Variants in ALDH7A1 observed in about 807,000 individuals in gnomAD.
ALDH7A1 encodes aldehyde dehydrogenase 7 family member A1, also known as alpha-aminoadipic semialdehyde dehydrogenase.
In ALDH7A1, 63 loss-of-function variants were observed where a neutral mutation model predicts 79.9. The observed-to-expected ratio is 0.79, with a 90% CI of 0.64 to 0.97. ALDH7A1 has a LOEUF of 0.97. ALDH7A1 is among the 50% of genes least tolerant of loss of function. The probability of loss-of-function intolerance (pLI) is 0.00; values close to 1 mark genes in which losing one functional copy is unlikely to be tolerated. For missense variants in ALDH7A1, 627 were observed against 665.2 expected, an observed-to-expected ratio of 0.94 and a Z score of 0.63; for synonymous variants, 240 against 231.2, an observed-to-expected ratio of 1.04 and a Z score of -0.34.
intron 8 of ALDH7A1, chr5:126,570,239 C>G (rs1750727685): frequency 6.3e-6 from 1 of 158,558 alleles, no homozygotes; most frequent in African/African-American, 2.4e-5. Flanking sequence ...ATATACAATA[C>G]TCTGAATATT....
intron 7 of ALDH7A1, 91 bp from the exon 8 acceptor site, chr5:126,570,950 T>G: frequency 8.1e-7 from 1 of 1,238,684 alleles, no homozygotes; most frequent in Non-Finnish European, 1.2e-6. Context: ...TCTCCTTTTT[T>G]CAACTTTCTC....
In ALDH7A1 at chr5:126,595,106, A is replaced by G; in HGVS notation, c.93T>C (p.Thr31=). 1.9e-6 allele frequency: 3 copies of G among 1,593,138 alleles called. No homozygotes were observed. The highest frequency in any genetic ancestry group is 1.7e-6 in the Non-Finnish European group (2 of 1,169,360). ...CATACTGGGGCTGATTGATGAGGAG[A>G]GTGGACATGAAGGCGGCAGGCCTGC... ...PWSRPAAFMS[T]LLINQPQYAW... Residue 31 remains threonine, a synonymous_variant, in exon 1 of 18, where the codon ACT becomes ACC. Coordinates refer to ENST00000409134, the MANE Select transcript of ALDH7A1 (RefSeq NM_001182.5).
intron 7 of ALDH7A1, among the ~76,000 whole-genome samples, chr5:126,574,822 G>C (rs1449308598): frequency 6.6e-6 from 1 of 152,006 alleles, no homozygotes; most frequent in Non-Finnish European, 1.5e-5. Flanking sequence ...GAACATCAAA[G>C]GTACATCCTA....
chr5:126,554,362 C>T lies in ALDH7A1; in HGVS notation c.1125G>A (p.Lys375=). The T allele has an allele frequency of 6.2e-7, 1 of 1,614,094 alleles. No individual in the cohort carries two copies. The highest frequency in any genetic ancestry group is 8.5e-7 in the Non-Finnish European group (1 of 1,180,006). The part of the protein sequence containing the change: ...PNVLYGPLHT[K]QAVSMFLGAV... ...CTCCAAGAAACATGCTCACTGCCTG[C>T]TTGGTGTGGAGTGGCCCATAGAGAA... The change falls in exon 13 of 18, where the codon AAG becomes AAA. Residue 375 remains lysine (K), a synonymous_variant. Coordinates refer to ENST00000409134, the MANE Select transcript of ALDH7A1 (RefSeq NM_001182.5).
rs1379836512 is a variant in ALDH7A1 at position 126,555,498 on chromosome 5, A to AG, written c.1093+432_1093+433insC. On this transcript the variant is annotated intron_variant, in intron 12 of 17. Coordinates refer to ENST00000409134, the MANE Select transcript of ALDH7A1 (RefSeq NM_001182.5). ...ACTGTGTCTCAAAAAAAAAAAAAAA[A>AG]AAAAAGAAAGGAAAAAAAATCTAAA... 2.4e-5 allele frequency: 4 copies of AG among 169,546 alleles called. No individual in the cohort carries two copies. In the East Asian group the frequency reaches 6.4e-4, roughly 27 times the overall value. 10.5% of individuals were successfully genotyped at this position (169,546 alleles called of 1,614,324 possible).
chr5:126,582,169 C>T (rs1751198833), intron 5 of ALDH7A1: 1 of 398,404 alleles, frequency 2.5e-6, no homozygotes, highest in Admixed American at 4.4e-5. Flanking sequence ...ATAAAAAAGA[C>T]ACACAAGAAA....
intron 13 of ALDH7A1, chr5:126,553,370 C>A (rs1428615270): frequency 1.3e-5 from 2 of 152,156 alleles, no homozygotes; most frequent in African/African-American, 2.4e-5. Context: ...TGTATCTTTC[C>A]AATTTTAGTA....
At chr5:126,579,356 G>A (rs934659802) in intron 5 of ALDH7A1, among the ~76,000 whole-genome samples, 14 of 152,140 alleles carry the variant, frequency 9.2e-5, no homozygotes, top group African/African-American at 3.1e-4. Flanking sequence ...AGGCCTTCCT[G>A]GACTGCACTC....
rs374248561 is a variant in ALDH7A1, at chr5:126,556,012, T to C, written c.1012A>G (p.Ile338Val). 1.2e-6 allele frequency: 2 copies of C among 1,610,984 alleles called. No homozygotes were observed. Among genetic ancestry groups the C allele is most frequent in the African/African-American group, 1.3e-5 (1 of 74,844 alleles). The change falls in exon 12 of 18, where the codon ATA (isoleucine) becomes GTA (valine). Residue 338 changes from isoleucine (I) to valine (V), a missense_variant. Transcript: ENST00000409134. ...QRCTTARRLF[I>V]HESIHDEVVN... ...ACCTCATCATGGATGCTTTCATGTA[T>C]AAACTAAACGAAAAAAGATATTCAA...
intron 1 of ALDH7A1, chr5:126,593,791 G>A (rs1385959872): frequency 6.1e-6 from 2 of 326,954 alleles, no homozygotes; most frequent in East Asian, 7.4e-5. Context: ...GAAAACTGTT[G>A]GAAAGTCCCG....
At position 126,548,323 on chromosome 5, in the gene ALDH7A1, T is replaced by A. The variant is rs1045167918; in HGVS notation, c.1489+1606A>T. On this transcript the variant is annotated intron_variant, in intron 16 of 17. Coordinates refer to ENST00000409134, the MANE Select transcript of ALDH7A1 (RefSeq NM_001182.5). ...GACACCACAACTGGCTAGTTTTTTT[T>A]AATTTTTGTAGAGACAGGGTCCTAC... 2.0e-4 allele frequency among the ~76,000 whole-genome samples: 30 copies of A among 151,980 alleles called. 1 individual carries two copies. The highest frequency in any genetic ancestry group is 3.5e-4 in the Non-Finnish European group (24 of 68,022).
At chr5:126,559,859 T>G (rs1340038257) in intron 10 of ALDH7A1, among the ~76,000 whole-genome samples, 1 of 152,082 alleles carries the variant, frequency 6.6e-6, no homozygotes. Context: ...GATTATGAGC[T>G]CTATGATCTT....
intron 10 of ALDH7A1, 115 bp downstream of exon 10, chr5:126,560,968 G>C (rs1750381547): frequency 8.8e-7 from 1 of 1,133,550 alleles, no homozygotes; most frequent in Non-Finnish European, 1.3e-6. Context: ...ACAGGAACTA[G>C]GTCTCAGGCA....
chr5:126,552,856 C>A (rs1339562505), intron 13 of ALDH7A1, among the ~76,000 whole-genome samples: 1 of 151,822 alleles, frequency 6.6e-6, no homozygotes, highest in Non-Finnish European at 1.5e-5. Context: ...CTCAAGCAAT[C>A]CTCCCACCTC....
intron 13 of ALDH7A1, among the ~76,000 whole-genome samples, chr5:126,553,651 C>A (rs931605837): frequency 6.6e-6 from 1 of 151,540 alleles, no homozygotes; most frequent in African/African-American, 2.4e-5. Flanking sequence ...GGCGAGGTTG[C>A]AGTGAGCTGA....
At chr5:126,549,224 C>A (rs1183928711) in intron 16 of ALDH7A1, among the ~76,000 whole-genome samples, 1 of 151,910 alleles carries the variant, frequency 6.6e-6, no homozygotes, top group Non-Finnish European at 1.5e-5. Flanking sequence ...AAGGGGTGAA[C>A]TGAAAACAGC....
chr5:126,569,616 G>A (rs1307229514), intron 8 of ALDH7A1: 2 of 152,146 alleles, frequency 1.3e-5, no homozygotes, highest in African/African-American at 4.8e-5. Flanking sequence ...ACATGCTCCT[G>A]TATATACTAC....
chr5:126,586,427 A>C (rs542317819), intron 3 of ALDH7A1: 1 of 152,324 alleles, frequency 6.6e-6, no homozygotes, highest in South Asian at 2.1e-4. Flanking sequence ...GACACATTTT[A>C]TTCAGTCAGT....
rs764417585 is a variant in ALDH7A1 at position 126,577,199 on chromosome 5, G to T, written c.530C>A (p.Ala177Glu). The change falls in exon 6 of 18, where the codon GCA becomes GAA. Residue 177 changes from alanine (A) to glutamate (E), a missense_variant. By Grantham distance (107) the Ala-to-Glu change is moderately radical (BLOSUM62 -1). Transcript: ENST00000409134. Reference sequence around the variant, plus strand: ...TACGGGATTCCACTGCTCAATCAGTGCATGGCCAGATCCTGAGGACAGAAA... The same window carrying T: ...TACGGGATTCCACTGCTCAATCAGTTCATGGCCAGATCCTGAGGACAGAAA... Reference protein sequence around the residue: ...PILPSERSGHALIEQWNPVGL... With the variant: ...PILPSERSGHELIEQWNPVGL... 2.5e-6 allele frequency: 4 copies of T among 1,614,128 alleles called. No individual in the cohort carries two copies. The South Asian group carries it at 4.4e-5, about 18-fold the overall frequency.
Sources: allele counts gnomAD v4.1 joint callset (sites outside exome capture counted in the v4.1 genomes callset), GRCh38; gene constraint gnomAD v4.1.1; transcripts MANE v1.5; gene names NCBI Gene and HGNC (gene_info 2026-07-23, HGNC 2026-07-21).